The following PTH2R variants were observed in gnomAD, a reference collection of about 807,000 sequenced individuals.
PTH2R encodes PTH2 receptor.
Under a neutral mutation model 60.3 loss-of-function variants are expected in PTH2R, and 59 were observed. The observed-to-expected ratio is 0.98, with a 90% CI of 0.79 to 1.22. The LOEUF (loss-of-function observed/expected upper bound fraction) is 1.22, where lower values mean the gene tolerates loss of function less well. Ranked by LOEUF, PTH2R falls within the 50% of genes most tolerant of loss-of-function variation. PTH2R has a pLI of 0.00. For synonymous variants in PTH2R, 256 were observed against 243.8 expected, an observed-to-expected ratio of 1.05 and a Z score of -0.47; for missense variants, 749 against 682.6, an observed-to-expected ratio of 1.10 and a Z score of -1.08.
chr2:208,404,236 G>C (rs1361162030), upstream of PTH2R, among the ~76,000 whole-genome samples: 1 of 152,176 alleles, frequency 6.6e-6, no homozygotes, highest in Non-Finnish European at 1.5e-5. Flanking sequence ...CAGAACATTG[G>C]TAATTTAACA....
chr2:208,428,430 G>T (rs1701902123), intron 2 of PTH2R, 127 bp downstream of exon 2: 2 of 653,314 alleles, frequency 3.1e-6, no homozygotes, highest in African/African-American at 1.8e-5. Context: ...ATGTGGAGGG[G>T]TGTGCAGCAG....
intron 9 of PTH2R, among the ~76,000 whole-genome samples, chr2:208,467,545 A>G (rs1454679741): frequency 6.6e-6 from 1 of 152,196 alleles, no homozygotes; most frequent in African/African-American, 2.4e-5. Flanking sequence ...AGTAAAAGGG[A>G]CTTGACAATA....
At chr2:208,420,217 A>G (rs1348914025) in intron 1 of PTH2R, among the ~76,000 whole-genome samples, 1 of 152,066 alleles carries the variant, frequency 6.6e-6, no homozygotes, top group Non-Finnish European at 1.5e-5. Context: ...GCACAGCAAC[A>G]TGGCACATGT....
At chr2:208,487,971 A>G (rs1489519220) in intron 10 of PTH2R, among the ~76,000 whole-genome samples, 2 of 152,128 alleles carry the variant, frequency 1.3e-5, no homozygotes, top group Admixed American at 1.3e-4. Flanking sequence ...GCCATAATCT[A>G]CTGGTTAGAC....
intron 1 of PTH2R, among the ~76,000 whole-genome samples, chr2:208,370,438 G>A (rs1270501887): frequency 2.1e-4 from 13 of 63,390 alleles, no homozygotes; most frequent in African/African-American, 5.9e-4. Flanking sequence ...ACGAGACTCC[G>A]TCTCAAAAAA....
chr2:208,408,280 G>C (rs1701459180), intron 1 of PTH2R, among the ~76,000 whole-genome samples: 2 of 152,050 alleles, frequency 1.3e-5, no homozygotes, highest in African/African-American at 4.8e-5. Flanking sequence ...ACTTAAACCT[G>C]AAAAAATTCA....
At chr2:208,422,040 T>C (rs1220990222) in intron 1 of PTH2R, among the ~76,000 whole-genome samples, 1 of 152,080 alleles carries the variant, frequency 6.6e-6, no homozygotes, top group Non-Finnish European at 1.5e-5. Context: ...AAACTGAAGA[T>C]CCAAGAAAGC....
chr2:208,456,157 G>A (rs1471410995), intron 8 of PTH2R, among the ~76,000 whole-genome samples: 1 of 151,908 alleles, frequency 6.6e-6, no homozygotes, highest in Non-Finnish European at 1.5e-5. Flanking sequence ...CAGGAGAATC[G>A]CCTGAACTGG....
chr2:208,480,364 C>T (rs1559232713), intron 9 of PTH2R, among the ~76,000 whole-genome samples: 1 of 152,120 alleles, frequency 6.6e-6, no homozygotes. Context: ...AGTTTCAGGC[C>T]TCCATCCCCT....
At chr2:208,388,474 T>G (rs1423673258) in intron 1 of PTH2R, among the ~76,000 whole-genome samples, 2 of 152,242 alleles carry the variant, frequency 1.3e-5, no homozygotes, top group Non-Finnish European at 2.9e-5. Context: ...TCTTCTGTCA[T>G]GTTCATACCT....
At chr2:208,395,173 C>G (rs10176249) in intron 1 of PTH2R, among the ~76,000 whole-genome samples, 150,155 of 152,068 alleles carry the variant, frequency 0.99, 74,157 homozygotes, top group Middle Eastern at 1. Context: ...TCAGCCTCCG[C>G]AGTAGCTGGG....
chr2:208,421,107 A>C (rs1404049139), intron 1 of PTH2R, among the ~76,000 whole-genome samples: 1 of 152,222 alleles, frequency 6.6e-6, no homozygotes, highest in East Asian at 1.9e-4. Context: ...AAGGATGAGT[A>C]ATAGCTTTGA....
chr2:208,453,495 G>A (rs1435572702), intron 8 of PTH2R, among the ~76,000 whole-genome samples: 5 of 152,054 alleles, frequency 3.3e-5, no homozygotes, highest in African/African-American at 1.2e-4. Flanking sequence ...TTCTCTAAAT[G>A]TGCAAGTGTA....
At chr2:208,476,089 G>A (rs1327592068) in intron 9 of PTH2R, among the ~76,000 whole-genome samples, 1 of 152,036 alleles carries the variant, frequency 6.6e-6, no homozygotes. Flanking sequence ...TCTAGTAAAG[G>A]CCTTTAGGAA....
In PTH2R at chr2:208,450,762, A is replaced by T; in HGVS notation, c.867A>T (p.Ala289=). Residue 289 remains alanine, a synonymous_variant, in exon 8 of 13, where the codon GCA becomes GCT. Transcript: ENST00000272847. ...TTCTGATTTCAGGGTTTCCAGCAGC[A>T]TTTGTTGCAGCATGGGCTGTGGCAC... ...FILIGWGFPA[A]FVAAWAVARA... 1 of 1,613,980 alleles carries T rather than the reference A, an allele frequency of 6.2e-7. No homozygotes were observed. Among genetic ancestry groups the T allele is most frequent in the Non-Finnish European group, 8.5e-7 (1 of 1,179,898 alleles).
intron 1 of PTH2R, among the ~76,000 whole-genome samples, chr2:208,378,290 G>A (rs2125874810): frequency 6.6e-6 from 1 of 150,812 alleles, no homozygotes; most frequent in East Asian, 2.0e-4. Context: ...GGAGAATCAG[G>A]CAGGGAGGTT....
At chr2:208,364,230 C>T (rs1415125196) in intron 1 of PTH2R, among the ~76,000 whole-genome samples, 1 of 152,058 alleles carries the variant, frequency 6.6e-6, no homozygotes, top group Non-Finnish European at 1.5e-5. Flanking sequence ...TTGATGCAGT[C>T]CCATTTGTCC....
chr2:208,384,056 G>A (rs535519079), intron 1 of PTH2R, among the ~76,000 whole-genome samples: 1 of 152,312 alleles, frequency 6.6e-6, no homozygotes, highest in Non-Finnish European at 1.5e-5. Flanking sequence ...ATTTAACTTG[G>A]AAGAGAAGAT....
chr2:208,493,822 G>A lies in PTH2R; in HGVS notation c.*163G>A, dbSNP rs1356503470. ...TGAATTGGCTCCTGTAAATACTAACGACATGAAAATGCAAGTGTCAATGGA... is the reference window on the plus strand; with the variant it reads ...TGAATTGGCTCCTGTAAATACTAACAACATGAAAATGCAAGTGTCAATGGA... On this transcript the variant is annotated 3_prime_UTR_variant, in exon 13 of 13. Transcript: ENST00000272847. 1.5e-6 allele frequency: 1 copy of A among 663,610 alleles called. No homozygotes were observed. The highest frequency in any genetic ancestry group is 3.7e-5 in the Admixed American group (1 of 26,996). 41.1% of individuals were successfully genotyped at this position (663,610 alleles called of 1,614,324 possible).
Sources: gnomAD v4.1 joint callset for allele counts (sites outside exome capture counted in the v4.1 genomes callset) on GRCh38, gnomAD v4.1.1 for gene constraint, MANE v1.5 for transcripts, NCBI Gene and HGNC (gene_info 2026-07-23, HGNC 2026-07-21) for gene names.